ATP2C2: variants seen among roughly 807,000 people sequenced by gnomAD.
ATP2C2 encodes calcium-transporting ATPase type 2C member 2.
A neutral mutation model predicts 110.8 loss-of-function variants in ATP2C2; 171 were observed. The observed-to-expected ratio is 1.54, with a 90% CI of 1.36 to 1.75. The LOEUF is 1.75. Among genes scored for constraint, ATP2C2 ranks in the 40% most tolerant of loss-of-function variants. The pLI is 0.00. For synonymous variants in ATP2C2, 804 were observed against 508.4 expected, an observed-to-expected ratio of 1.58 and a Z score of -7.82; for missense variants, 1,963 against 1,235.0, an observed-to-expected ratio of 1.59 and a Z score of -8.84.
intron 18 of ATP2C2, 64 bp from the exon 19 acceptor site, chr16:84,453,074 G>T (rs940499275): frequency 6.6e-7 from 1 of 1,507,500 alleles, no homozygotes; most frequent in African/African-American, 1.4e-5. Context: ...GCCGAGGTGG[G>T]GCCGGGAGTG....
intron 14 of ATP2C2, among the ~76,000 whole-genome samples, chr16:84,441,779 G>A (rs1006186468): frequency 1.5e-4 from 23 of 152,228 alleles, no homozygotes; most frequent in African/African-American, 5.3e-4. Context: ...AAAATTAGCT[G>A]GGCATGGTGG....
At chr16:84,412,646 C>T (rs935788904) in intron 6 of ATP2C2, among the ~76,000 whole-genome samples, 10 of 152,048 alleles carry the variant, frequency 6.6e-5, no homozygotes, top group Admixed American at 3.9e-4. Context: ...TAACTTTTAG[C>T]ATAGCAGTGG....
intron 15 of ATP2C2, among the ~76,000 whole-genome samples, chr16:84,444,421 C>T (rs1481454476): frequency 4.4e-5 from 6 of 137,570 alleles, no homozygotes; most frequent in East Asian, 4.0e-4. Flanking sequence ...TACAGTGAGC[C>T]GAGATCGTAC....
intron 1 of ATP2C2, among the ~76,000 whole-genome samples, chr16:84,388,603 C>A (rs28505283): frequency 0.35 from 52,986 of 152,054 alleles, 9,452 homozygotes; most frequent in East Asian, 0.49. Flanking sequence ...GAAGCATCTG[C>A]CTGAGTGTGG....
intron 15 of ATP2C2, among the ~76,000 whole-genome samples, chr16:84,444,162 CAAAAAAA>C (rs71151217): frequency 0.5 from 51,993 of 104,700 alleles, 11,108 homozygotes; most frequent in East Asian, 0.87. Flanking sequence ...GATCCTGCCT[CAAAAAAA>C]AAAAAAAAAA....
chr16:84,432,247 C>T (rs533137402), intron 11 of ATP2C2, among the ~76,000 whole-genome samples: 1 of 152,262 alleles, frequency 6.6e-6, no homozygotes, highest in South Asian at 2.1e-4. Context: ...TGTGTTGAGA[C>T]TCACATTTCT....
At chr16:84,412,430 G>A (rs189939245) in intron 6 of ATP2C2, among the ~76,000 whole-genome samples, 36 of 150,514 alleles carry the variant, frequency 2.4e-4, no homozygotes, top group Non-Finnish European at 4.0e-4. Flanking sequence ...ATGTGTGTGC[G>A]TGTGTGTATG....
At chr16:84,446,280 A>G in intron 15 of ATP2C2, 49 bp from the exon 16 acceptor site, 1 of 1,128,766 alleles carries the variant, frequency 8.9e-7, no homozygotes. Context: ...CTTTGTATAG[A>G]GATTGGCTTC....
intron 1 of ATP2C2, among the ~76,000 whole-genome samples, chr16:84,384,188 C>T (rs1297804397): frequency 6.6e-6 from 1 of 152,220 alleles, no homozygotes; most frequent in Non-Finnish European, 1.5e-5. Context: ...AAGTTCCCAT[C>T]AGCGTTGTCC....
At chr16:84,424,532 C>T (rs976044637) in intron 10 of ATP2C2, among the ~76,000 whole-genome samples, 3 of 149,810 alleles carry the variant, frequency 2.0e-5, no homozygotes, top group African/African-American at 7.5e-5. Flanking sequence ...CCCGCCTTGG[C>T]CTCCCAAAGT....
intron 11 of ATP2C2, among the ~76,000 whole-genome samples, chr16:84,432,402 A>G (rs1032474530): frequency 6.6e-6 from 1 of 152,060 alleles, no homozygotes; most frequent in Non-Finnish European, 1.5e-5. Context: ...CCCCACATGC[A>G]TTAGGCATTT....
chr16:84,460,308 G>T, intron 23 of ATP2C2: 1 of 361,534 alleles, frequency 2.8e-6, no homozygotes, highest in Admixed American at 4.1e-5. Flanking sequence ...GGGCTCTGCG[G>T]AGGGCGGAGC....
chr16:84,368,733 G>T lies in ATP2C2; in HGVS notation c.99+19G>T, dbSNP rs1909776284. The T allele has an allele frequency of 6.7e-7, 1 of 1,498,986 alleles. No homozygotes were observed. The highest frequency in any genetic ancestry group is 1.5e-5 in the African/African-American group (1 of 67,896). 92.9% of individuals were successfully genotyped at this position (1,498,986 alleles called of 1,614,324 possible). A position where few individuals can be genotyped will look rare whatever the true frequency, so the allele number is the denominator to read the frequency against. ...AGCCTTGGTGAGTCCCCGCGACTCC[G>T]CGCCGGGCGTGCGACCCGACCCCCC... On this transcript the variant is annotated intron_variant, in intron 1 of 26. Coordinates refer to ENST00000262429, the MANE Select transcript of ATP2C2 (RefSeq NM_014861.4).
At chr16:84,388,456 G>C (rs1171459094) in intron 1 of ATP2C2, among the ~76,000 whole-genome samples, 1 of 152,196 alleles carries the variant, frequency 6.6e-6, no homozygotes. Flanking sequence ...GGTAGGGCCT[G>C]AGTTTCTGCA....
At position 84,460,859 on chromosome 16, in the gene ATP2C2, G is replaced by C. The variant is rs1028178383; in HGVS notation, c.2481+58G>C. On this transcript the variant is annotated intron_variant, in intron 24 of 26. Coordinates refer to ENST00000262429, the MANE Select transcript of ATP2C2 (RefSeq NM_014861.4). ...GCCCTGGTGCGGTGCAGACGCTGGG[G>C]ACTGCAGTCCCTGCCCTCCTGCCAC... 12 of 1,545,484 alleles carry C rather than the reference G, an allele frequency of 7.8e-6. No homozygotes were observed. The East Asian group carries it at 1.1e-4, about 15-fold the overall frequency.
At chr16:84,379,632 C>G (rs972210707) in intron 1 of ATP2C2, among the ~76,000 whole-genome samples, 1 of 152,138 alleles carries the variant, frequency 6.6e-6, no homozygotes, top group African/African-American at 2.4e-5. Flanking sequence ...CAAGCCTCGC[C>G]GGGGGGTTCT....
At chr16:84,435,282 T>C (rs1908637295) in intron 11 of ATP2C2, among the ~76,000 whole-genome samples, 1 of 152,242 alleles carries the variant, frequency 6.6e-6, no homozygotes, top group Non-Finnish European at 1.5e-5. Flanking sequence ...TGGCAGTGTT[T>C]ATTCTTTTCT....
rs559662637 is a variant in ATP2C2, at chr16:84,373,745, TA to T, written c.99+5039del. 2.0e-4 allele frequency among the ~76,000 whole-genome samples: 30 copies of T among 152,162 alleles called. No homozygotes were observed. In the East Asian group the frequency reaches 3.7e-3, roughly 19 times the overall value. On this transcript the variant is annotated intron_variant, in intron 1 of 26. Transcript: ENST00000262429. Reference sequence around the variant, plus strand: ...TTTCCTTCAATGACGTCATTCACGTTAAAAAAAATCCTAGAACCACATCTGA... The same window carrying T: ...TTTCCTTCAATGACGTCATTCACGTTAAAAAAATCCTAGAACCACATCTGA...
chr16:84,415,495 A>G lies in ATP2C2; in HGVS notation c.528A>G (p.Gly176=). The G allele has an allele frequency of 6.2e-7, 1 of 1,614,190 alleles. No individual in the cohort carries two copies. The highest frequency in any genetic ancestry group is 8.5e-7 in the Non-Finnish European group (1 of 1,180,016). Residue 176 remains glycine (G), a synonymous_variant, in exon 7 of 27, where the codon GGA becomes GGG. Transcript: ENST00000262429. ...ATGTCAAATGCAGCCTAAGAGAAGG[A>G]AAACTCCAGCACCTGCTTGCTCGAG... The part of the protein sequence containing the change: ...VPPECNCLRE[G]KLQHLLAREL...
Sources: gnomAD v4.1 joint callset for allele counts (sites outside exome capture counted in the v4.1 genomes callset) on GRCh38, gnomAD v4.1.1 for gene constraint, MANE v1.5 for transcripts, NCBI Gene and HGNC (gene_info 2026-07-23, HGNC 2026-07-21) for gene names.